The following BNC2 variants were observed in gnomAD, a reference collection of about 807,000 sequenced individuals.
BNC2 encodes the protein zinc finger protein basonuclin-2.
BNC2 carries 20 observed loss-of-function variants against 76.3 expected under a neutral mutation model. The observed-to-expected ratio is 0.26, with a 90% CI of 0.18 to 0.38. The LOEUF (loss-of-function observed/expected upper bound fraction) is 0.38, where lower values mean the gene tolerates loss of function less well. Among genes scored for constraint, BNC2 ranks in the 10% least tolerant of loss-of-function variants. The pLI, the probability that BNC2 is intolerant of heterozygous loss-of-function variation, is 1.00. For synonymous variants in BNC2, 582 were observed against 514.8 expected (o/e 1.13, Z -1.77); for missense variants, 1,382 against 1,399.8 (o/e 0.99, Z 0.20).
chr9:16,503,027 T>G (rs1389541426), intron 5 of BNC2, among the ~76,000 whole-genome samples: 1 of 152,196 alleles, frequency 6.6e-6, no homozygotes, highest in Non-Finnish European at 1.5e-5. Context: ...GTTAAATGAA[T>G]TCATGACAGT....
intron 1 of BNC2, among the ~76,000 whole-genome samples, chr9:16,869,675 T>C (rs1320347884): frequency 6.6e-6 from 1 of 152,180 alleles, no homozygotes; most frequent in African/African-American, 2.4e-5. Context: ...GCCCCATTTC[T>C]AACAAATCAC....
chr9:16,444,318 G>A (rs868532825), intron 5 of BNC2, among the ~76,000 whole-genome samples: 7 of 152,150 alleles, frequency 4.6e-5, no homozygotes, highest in South Asian at 2.1e-4. Context: ...CTAATGGGGT[G>A]TGTAATCATA....
At chr9:16,707,339 G>A (rs1017657881) in intron 3 of BNC2, among the ~76,000 whole-genome samples, 1 of 152,182 alleles carries the variant, frequency 6.6e-6, no homozygotes, top group Non-Finnish European at 1.5e-5. Flanking sequence ...AAAATTGAAG[G>A]AAGAATCAAG....
At chr9:16,746,575 G>C (rs1361322845) in intron 1 of BNC2, among the ~76,000 whole-genome samples, 1 of 151,566 alleles carries the variant, frequency 6.6e-6, no homozygotes, top group Non-Finnish European at 1.5e-5. Flanking sequence ...CATGTTGGCA[G>C]ACTGGTCTCG....
At chr9:16,583,297 G>C (rs190569238) in intron 3 of BNC2, among the ~76,000 whole-genome samples, 2 of 152,080 alleles carry the variant, frequency 1.3e-5, no homozygotes, top group Non-Finnish European at 2.9e-5. Context: ...AATGTTTTAG[G>C]TCATTCACAG....
At chr9:16,700,683 G>A (rs1823483934) in intron 3 of BNC2, among the ~76,000 whole-genome samples, 1 of 151,992 alleles carries the variant, frequency 6.6e-6, no homozygotes, top group African/African-American at 2.4e-5. Context: ...TTAGCAGTCA[G>A]GTGCAGTGGC....
rs1491412164 is a variant in BNC2 at position 16,678,268 on chromosome 9, T to TC, written c.330+49528_330+49529insG. On this transcript the variant is annotated intron_variant, in intron 3 of 6. Transcript: ENST00000380672. ...CTTGTAACTGTTTTCTTTCTTTTTC[T>TC]TTTTTTTTTTTTTTTTTTTTTTTTT... Among the ~76,000 whole-genome samples the TC allele has an allele frequency of 8.7e-5, 5 of 57,492 alleles. 1 individual carries two copies. The highest frequency in any genetic ancestry group is 1.4e-3 in the East Asian group (1 of 724). 37.7% of individuals were successfully genotyped at this position (57,492 alleles called of 152,430 possible). A position where few individuals can be genotyped will look rare whatever the true frequency, so the allele number is the denominator to read the frequency against.
intron 1 of BNC2, among the ~76,000 whole-genome samples, chr9:16,766,588 T>C (rs1825702157): frequency 6.6e-6 from 1 of 152,208 alleles, no homozygotes; most frequent in Non-Finnish European, 1.5e-5. Flanking sequence ...TAACAGCTGG[T>C]ACTACCTTCC....
intron 1 of BNC2, among the ~76,000 whole-genome samples, chr9:16,789,747 G>C (rs1817447721): frequency 6.6e-6 from 1 of 152,164 alleles, no homozygotes; most frequent in Non-Finnish European, 1.5e-5. Flanking sequence ...TCTCTCACCA[G>C]TCAACTAAGA....
At chr9:16,431,786 G>A (rs1025579954) in intron 6 of BNC2, among the ~76,000 whole-genome samples, 1 of 152,174 alleles carries the variant, frequency 6.6e-6, no homozygotes, top group African/African-American at 2.4e-5. Context: ...ATTCAGGCAC[G>A]TTACATTTAT....
intron 1 of BNC2, among the ~76,000 whole-genome samples, chr9:16,767,551 CAG>C (rs1491337816): frequency 6.6e-6 from 1 of 151,524 alleles, no homozygotes; most frequent in African/African-American, 2.4e-5. Flanking sequence ...AGCCTGTATA[CAG>C]AGTTGAGGGA....
chr9:16,855,149 G>A (rs1819223147), intron 1 of BNC2, among the ~76,000 whole-genome samples: 1 of 152,026 alleles, frequency 6.6e-6, no homozygotes, highest in Admixed American at 6.6e-5. Context: ...GTGTGTGTGT[G>A]TGTGATCTCC....
intron 4 of BNC2, among the ~76,000 whole-genome samples, chr9:16,575,863 G>C (rs1426197788): frequency 6.6e-6 from 1 of 152,226 alleles, no homozygotes; most frequent in Non-Finnish European, 1.5e-5. Context: ...GAGCAAAAGA[G>C]AATTTTGCAG....
At chr9:16,570,608 T>C (rs1188390851) in intron 4 of BNC2, among the ~76,000 whole-genome samples, 4 of 152,156 alleles carry the variant, frequency 2.6e-5, no homozygotes, top group Admixed American at 6.6e-5. Context: ...TTAGGAAAAG[T>C]CTAACCTAAC....
At chr9:16,434,796 T>A (rs1820970957) in intron 6 of BNC2, 2 of 455,626 alleles carry the variant, frequency 4.4e-6, no homozygotes, top group Admixed American at 2.4e-5. Context: ...ATATTCGTGC[T>A]GATCCTCAAA....
intron 1 of BNC2, among the ~76,000 whole-genome samples, chr9:16,858,360 T>C (rs1453398179): frequency 6.6e-6 from 1 of 152,212 alleles, no homozygotes; most frequent in African/African-American, 2.4e-5. Flanking sequence ...AACCAGGAGC[T>C]ATCATTTTTT....
chr9:16,510,811 A>T (rs994837830), intron 5 of BNC2, among the ~76,000 whole-genome samples: 2 of 152,218 alleles, frequency 1.3e-5, no homozygotes, highest in Non-Finnish European at 2.9e-5. Flanking sequence ...TTGGTGCTAA[A>T]GTGAGGGAAC....
chr9:16,468,026 ATTTC>A (rs1306648423), intron 5 of BNC2, among the ~76,000 whole-genome samples: 10 of 138,168 alleles, frequency 7.2e-5, no homozygotes, highest in South Asian at 2.3e-4. Flanking sequence ...TCCTAATCTC[ATTTC>A]TTTCTTTCTC....
intron 5 of BNC2, among the ~76,000 whole-genome samples, chr9:16,536,679 C>G (rs1368876868): frequency 1.3e-5 from 2 of 152,064 alleles, no homozygotes; most frequent in Non-Finnish European, 2.9e-5. Flanking sequence ...AATTCTAACT[C>G]AAGCTAATAA....
Sources: allele counts gnomAD v4.1 joint callset (sites outside exome capture counted in the v4.1 genomes callset), GRCh38; gene constraint gnomAD v4.1.1; transcripts MANE v1.5; gene names NCBI Gene and HGNC (gene_info 2026-07-23, HGNC 2026-07-21).